ADGRL3: variants seen among roughly 807,000 people sequenced by gnomAD.
ADGRL3 encodes adhesion G protein-coupled receptor L3, also known as calcium-independent alpha-latrotoxin receptor 3.
In ADGRL3, 62 loss-of-function variants were observed where a neutral mutation model predicts 153.5. The ratio of observed to expected loss-of-function variants is 0.40; its 90% CI spans 0.33 to 0.50. ADGRL3 has a LOEUF of 0.50. ADGRL3 is among the 20% of genes least tolerant of loss of function. ADGRL3 has a pLI of 0.47. For missense variants in ADGRL3, 1,641 were observed against 1,859.4 expected (o/e 0.88, Z 2.16); for synonymous variants, 710 against 672.5 (o/e 1.06, Z -0.86).
chr4:61,386,779 G>T (rs1035904910), intron 2 of ADGRL3, among the ~76,000 whole-genome samples: 1 of 151,998 alleles, frequency 6.6e-6, no homozygotes, highest in Admixed American at 6.6e-5. Flanking sequence ...GTATTAGAAT[G>T]GATTATATAA....
At chr4:61,736,317 G>T (rs1264725299) in intron 8 of ADGRL3, among the ~76,000 whole-genome samples, 1 of 152,022 alleles carries the variant, frequency 6.6e-6, no homozygotes, top group Non-Finnish European at 1.5e-5. Context: ...TTAAAACATG[G>T]TCCATCTCAC....
intron 2 of ADGRL3, among the ~76,000 whole-genome samples, chr4:61,437,616 A>T (rs7686492): frequency 0.011 from 1,631 of 152,276 alleles, 25 homozygotes; most frequent in African/African-American, 0.037. Context: ...CTGCGTACTG[A>T]TCTCAGAGTC....
Position 61,440,576 on chromosome 4 carries a change from TTTC to T in ADGRL3, c.-173-56542_-173-56540del, listed in dbSNP as rs796265457. ...GATTCCTTATAGTTTATGAGTGGCT[TTTC>T]TTAAGAACATGATTGAGTGTGATTT... On this transcript the variant is annotated intron_variant, in intron 2 of 26. Coordinates refer to ENST00000683033, the MANE Select transcript of ADGRL3 (RefSeq NM_001387552.1). 3.3e-5 allele frequency among the ~76,000 whole-genome samples: 5 copies of T among 152,274 alleles called. No homozygotes were observed. The South Asian group carries it at 8.3e-4, about 25-fold the overall frequency.
chr4:61,562,839 A>G (rs1216592139), intron 4 of ADGRL3, among the ~76,000 whole-genome samples: 1 of 151,838 alleles, frequency 6.6e-6, no homozygotes, highest in Non-Finnish European at 1.5e-5. Context: ...TGGCATTAAG[A>G]ATGGTAAATC....
At chr4:61,939,554 C>T (rs1029928451) in intron 15 of ADGRL3, among the ~76,000 whole-genome samples, 2 of 151,768 alleles carry the variant, frequency 1.3e-5, no homozygotes, top group African/African-American at 4.8e-5. Flanking sequence ...ACTGCAACCT[C>T]CACCTCCCGG....
At chr4:61,464,631 T>C (rs2097858693) in intron 2 of ADGRL3, among the ~76,000 whole-genome samples, 1 of 152,188 alleles carries the variant, frequency 6.6e-6, no homozygotes, top group African/African-American at 2.4e-5. Context: ...AATATGGCAA[T>C]TTCTACATAG....
At chr4:61,374,814 C>T (rs2096584662) in intron 1 of ADGRL3, among the ~76,000 whole-genome samples, 1 of 151,932 alleles carries the variant, frequency 6.6e-6, no homozygotes, top group Admixed American at 6.6e-5. Context: ...TCCCAAAACA[C>T]TTTGGCAGAG....
At chr4:61,449,211 C>T (rs1441880410) in intron 2 of ADGRL3, among the ~76,000 whole-genome samples, 1 of 152,028 alleles carries the variant, frequency 6.6e-6, no homozygotes, top group Non-Finnish European at 1.5e-5. Flanking sequence ...TCCTGGCTCA[C>T]TGCAACCTCT....
At chr4:61,435,670 G>A (rs2097435426) in intron 2 of ADGRL3, among the ~76,000 whole-genome samples, 1 of 151,872 alleles carries the variant, frequency 6.6e-6, no homozygotes, top group Non-Finnish European at 1.5e-5. Context: ...ACCTTTCACG[G>A]GGACAATTGC....
intron 1 of ADGRL3, among the ~76,000 whole-genome samples, chr4:61,381,311 G>GTA (rs1294474547): frequency 6.6e-6 from 1 of 151,124 alleles, no homozygotes; most frequent in Non-Finnish European, 1.5e-5. Context: ...GTGTGTGTGT[G>GTA]TGTGTGTGTG....
intron 1 of ADGRL3, among the ~76,000 whole-genome samples, chr4:61,343,100 C>T (rs138702018): frequency 6.6e-6 from 1 of 152,242 alleles, no homozygotes; most frequent in Non-Finnish European, 1.5e-5. Flanking sequence ...GGAGAAACTG[C>T]CTCCATGATT....
At chr4:61,629,583 A>G (rs6854978) in intron 5 of ADGRL3, among the ~76,000 whole-genome samples, 143,861 of 151,110 alleles carry the variant, frequency 0.95, 68,611 homozygotes, top group Middle Eastern at 0.99. Context: ...TGGGTGTGGT[A>G]GTGGAAGCCT....
intron 5 of ADGRL3, among the ~76,000 whole-genome samples, chr4:61,626,957 T>C (rs142182081): frequency 2.1e-3 from 325 of 152,266 alleles, no homozygotes; most frequent in Admixed American, 7.4e-3. Context: ...ATTTAACTAT[T>C]AGGTTGATGT....
intron 17 of ADGRL3, among the ~76,000 whole-genome samples, chr4:61,950,856 T>TG (rs1255283313): frequency 3.3e-5 from 5 of 152,154 alleles, no homozygotes; most frequent in Admixed American, 2.6e-4. Context: ...AGTTTCAGCA[T>TG]GGGGGCTTAC....
intron 1 of ADGRL3, among the ~76,000 whole-genome samples, chr4:61,326,838 T>C (rs1468832029): frequency 1.3e-5 from 2 of 151,950 alleles, no homozygotes; most frequent in African/African-American, 2.4e-5. Flanking sequence ...CTAAATCTGC[T>C]CATGCTGTGC....
intron 9 of ADGRL3, among the ~76,000 whole-genome samples, chr4:61,837,593 T>C (rs2148948998): frequency 6.6e-6 from 1 of 152,238 alleles, no homozygotes; most frequent in South Asian, 2.1e-4. Flanking sequence ...ATGTTCTCTT[T>C]CTACCCACTA....
At chr4:61,236,308 C>A (rs1040090182) in intron 1 of ADGRL3, among the ~76,000 whole-genome samples, 3 of 152,060 alleles carry the variant, frequency 2.0e-5, no homozygotes, top group Admixed American at 6.6e-5. Context: ...CTGTGCCCTG[C>A]CTCTTTATCA....
chr4:61,218,085 CTTAA>C (rs1743692934), intron 1 of ADGRL3, among the ~76,000 whole-genome samples: 1 of 151,976 alleles, frequency 6.6e-6, no homozygotes, highest in African/African-American at 2.4e-5. Context: ...AAGATTATTT[CTTAA>C]TTATTTGGAA....
intron 9 of ADGRL3, among the ~76,000 whole-genome samples, chr4:61,872,680 T>C (rs1247855907): frequency 6.6e-6 from 1 of 151,258 alleles, no homozygotes; most frequent in Non-Finnish European, 1.5e-5. Flanking sequence ...AAAGAAGAAA[T>C]TTAGACAAGA....
Sources: gnomAD v4.1 joint callset for allele counts (sites outside exome capture counted in the v4.1 genomes callset) on GRCh38, gnomAD v4.1.1 for gene constraint, MANE v1.5 for transcripts, NCBI Gene and HGNC (gene_info 2026-07-23, HGNC 2026-07-21) for gene names.